Variants in SYNCRIP observed in about 807,000 individuals in gnomAD.
The protein encoded by SYNCRIP is heterogeneous nuclear ribonucleoprotein Q.
SYNCRIP carries 9 observed loss-of-function variants against 68.9 expected under a neutral mutation model. The ratio of observed to expected loss-of-function variants is 0.13; its 90% CI spans 0.08 to 0.23. The LOEUF is 0.23. Ranked by LOEUF, SYNCRIP falls within the 10% of genes least tolerant of loss-of-function variation. The probability of loss-of-function intolerance (pLI) is 1.00; values close to 1 mark genes in which losing one functional copy is unlikely to be tolerated. For synonymous variants in SYNCRIP, 258 were observed against 254.0 expected (o/e 1.02, Z -0.15); for missense variants, 414 against 770.6 (o/e 0.54, Z 5.48).
chr6:85,631,135 G>C (rs1807725162), intron 6 of SYNCRIP, among the ~76,000 whole-genome samples: 1 of 152,098 alleles, frequency 6.6e-6, no homozygotes, highest in East Asian at 1.9e-4. Context: ...TTGGGGTCAG[G>C]AGTTCGAGAC....
At chr6:85,642,263 T>A (rs2128306559) in intron 1 of SYNCRIP, among the ~76,000 whole-genome samples, 1 of 151,038 alleles carries the variant, frequency 6.6e-6, no homozygotes, top group Non-Finnish European at 1.5e-5. Flanking sequence ...CCCCTGGCGC[T>A]CCCCGGGCGC....
At chr6:85,634,156 AGCAAT>A (rs1307590936) in intron 6 of SYNCRIP, among the ~76,000 whole-genome samples, 1 of 152,214 alleles carries the variant, frequency 6.6e-6, no homozygotes, top group Non-Finnish European at 1.5e-5. Flanking sequence ...AGCAACCTAC[AGCAAT>A]GCAATTTTAT....
At chr6:85,624,155 C>T (rs1562088837) in intron 6 of SYNCRIP, 43 bp from the exon 7 acceptor site, 1 of 1,556,516 alleles carries the variant, frequency 6.4e-7, no homozygotes. Context: ...ATTACTTATA[C>T]AACTAGAACA....
intron 4 of SYNCRIP, among the ~76,000 whole-genome samples, chr6:85,639,372 T>C (rs147651212): frequency 6.6e-5 from 10 of 152,362 alleles, no homozygotes; most frequent in African/African-American, 2.2e-4. Context: ...TCCACTTTTA[T>C]GGAAAAACTA....
At chr6:85,610,643 A>G (rs1426432983), downstream of SYNCRIP, 1 of 152,052 alleles carries the variant, frequency 6.6e-6, no homozygotes, top group Non-Finnish European at 1.5e-5. Context: ...AAACACCTTG[A>G]CAGTGTCCCT....
At chr6:85,617,258 T>C (rs1805884147) in intron 10 of SYNCRIP, among the ~76,000 whole-genome samples, 1 of 152,018 alleles carries the variant, frequency 6.6e-6, no homozygotes. Context: ...CAATCATCCC[T>C]TTTAGTTTGT....
At chr6:85,633,970 G>A (rs971261937) in intron 6 of SYNCRIP, among the ~76,000 whole-genome samples, 3 of 152,130 alleles carry the variant, frequency 2.0e-5, no homozygotes, top group African/African-American at 7.2e-5. Context: ...CTATTAATTA[G>A]ATAGTACAAA....
At chr6:85,626,515 A>G (rs1382398906) in intron 6 of SYNCRIP, among the ~76,000 whole-genome samples, 1 of 152,206 alleles carries the variant, frequency 6.6e-6, no homozygotes, top group Admixed American at 6.5e-5. Context: ...GCTATTAACT[A>G]TAAGAAAATA....
chr6:85,634,666 G>C (rs780799139), intron 6 of SYNCRIP, among the ~76,000 whole-genome samples: 4 of 152,016 alleles, frequency 2.6e-5, no homozygotes, highest in African/African-American at 7.2e-5. Context: ...AGTAGAGAGA[G>C]CCCACTGTAT....
At chr6:85,610,932 A>C (rs1380924841), downstream of SYNCRIP, 1 of 152,058 alleles carries the variant, frequency 6.6e-6, no homozygotes, top group Non-Finnish European at 1.5e-5. Context: ...AGTGGCAGAA[A>C]GTTTCATTAA....
chr6:85,629,942 C>A (rs927025630), intron 6 of SYNCRIP, among the ~76,000 whole-genome samples: 3 of 151,692 alleles, frequency 2.0e-5, no homozygotes, highest in East Asian at 3.9e-4. Flanking sequence ...TGAGATAGCG[C>A]CGCTGTGCTC....
chr6:85,633,566 G>A (rs1400770008), intron 6 of SYNCRIP, among the ~76,000 whole-genome samples: 1 of 152,110 alleles, frequency 6.6e-6, no homozygotes, highest in Admixed American at 6.6e-5. Context: ...ACCCCAGCCT[G>A]GGCAACAGAG....
intron 4 of SYNCRIP, among the ~76,000 whole-genome samples, chr6:85,639,610 G>A (rs1014862775): frequency 6.6e-6 from 1 of 152,040 alleles, no homozygotes; most frequent in Non-Finnish European, 1.5e-5. Flanking sequence ...AGGTTAAAAA[G>A]TAATACAATC....
chr6:85,615,152 T>C lies in SYNCRIP; in HGVS notation c.1476A>G (p.Gln492=), dbSNP rs200314433. The C allele has an allele frequency of 6.8e-6, 11 of 1,613,722 alleles. No homozygotes were observed. Among genetic ancestry groups the C allele is most frequent in the Admixed American group, 5.0e-5 (3 of 59,980 alleles). Residue 492 remains glutamine (Q), a synonymous_variant, in exon 11 of 11, where the codon CAA becomes CAG. Transcript: ENST00000369622. ...TACCACCCCTTCCTCTAGCTCCAAC[T>C]TGAAAATCTTCATAACCATAGTATG... ...EDPYYGYEDF[Q]VGARGRGGRG...
At chr6:85,623,675 TAGAGAAAGAACACACAA>T (rs1278147902) in intron 7 of SYNCRIP, among the ~76,000 whole-genome samples, 3 of 150,652 alleles carry the variant, frequency 2.0e-5, no homozygotes, top group Admixed American at 2.0e-4. Context: ...AACTAACACC[TAGAGAAAGAACACACAA>T]AGAAATACGA....
At chr6:85,634,845 C>A (rs908013686) in intron 6 of SYNCRIP, among the ~76,000 whole-genome samples, 1 of 152,116 alleles carries the variant, frequency 6.6e-6, no homozygotes, top group Non-Finnish European at 1.5e-5. Context: ...TTTGGGAAGC[C>A]GAGGTAGGAG....
chr6:85,609,061 T>C (rs1805044290), downstream of SYNCRIP: 1 of 151,962 alleles, frequency 6.6e-6, no homozygotes, highest in Non-Finnish European at 1.5e-5. Context: ...TTTTATGTAT[T>C]TGTCACTTAA....
chr6:85,639,929 C>G lies in SYNCRIP; in HGVS notation c.375+292G>C, dbSNP rs1808930881. 1.3e-5 allele frequency among the ~76,000 whole-genome samples: 2 copies of G among 151,948 alleles called. 1 individual carries two copies. Among genetic ancestry groups the G allele is most frequent in the South Asian group, 4.1e-4 (2 of 4,834 alleles). On this transcript the variant is annotated intron_variant, in intron 4 of 10. Coordinates refer to ENST00000369622, the MANE Select transcript of SYNCRIP (RefSeq NM_006372.5). ...CATCAGTATTTCAACTGTCAATAAG[C>G]TGGCTTTGCAGCTTTTCAAAAAATA...
At chr6:85,641,479 A>G (rs1423269070) in intron 1 of SYNCRIP, 28 bp from the exon 2 acceptor site, 1 of 1,588,522 alleles carries the variant, frequency 6.3e-7, no homozygotes, top group East Asian at 2.2e-5. Flanking sequence ...GCAAAATTAA[A>G]CTAGGATCTT....
Sources: allele counts gnomAD v4.1 joint callset (sites outside exome capture counted in the v4.1 genomes callset), GRCh38; gene constraint gnomAD v4.1.1; transcripts MANE v1.5; gene names NCBI Gene and HGNC (gene_info 2026-07-23, HGNC 2026-07-21).